ERO1A: variants seen among roughly 807,000 people sequenced by gnomAD.
ERO1A encodes ERO1-like protein alpha.
In ERO1A, 49 loss-of-function variants were observed where a neutral mutation model predicts 76.9. The observed-to-expected ratio is 0.64, with a 90% CI of 0.51 to 0.81. The LOEUF is 0.81. ERO1A is among the 30% of genes least tolerant of loss of function. ERO1A has a pLI of 0.00. For synonymous variants in ERO1A, 174 were observed against 181.2 expected (o/e 0.96, Z 0.32); for missense variants, 448 against 542.1 (o/e 0.83, Z 1.72).
At chr14:52,685,673 T>C (rs2041153270) in intron 1 of ERO1A, among the ~76,000 whole-genome samples, 2 of 152,176 alleles carry the variant, frequency 1.3e-5, no homozygotes, top group African/African-American at 4.8e-5. Flanking sequence ...TTCTTCCCCC[T>C]GAGGAATTCA....
At chr14:52,681,052 G>T (rs528920992) in intron 3 of ERO1A, among the ~76,000 whole-genome samples, 1 of 152,080 alleles carries the variant, frequency 6.6e-6, no homozygotes, top group African/African-American at 2.4e-5. Flanking sequence ...AATGTAAAAC[G>T]GTACAGCCAC....
In ERO1A at chr14:52,671,868, A is replaced by T; in HGVS notation, c.361T>A (p.Ser121Thr). The T allele has an allele frequency of 6.3e-7, 1 of 1,586,632 alleles. No individual in the cohort carries two copies. The highest frequency in any genetic ancestry group is 8.6e-7 in the Non-Finnish European group (1 of 1,163,832). ...DGIKSASYKYSEEANNLIEEC... is the reference protein window; with the variant it reads ...DGIKSASYKYTEEANNLIEEC... ...TCAATGAGATTATTGGCTTCTTCAGAATACTAAAATGAAAAAGGGAATAAA... is the reference window on the plus strand; with the variant it reads ...TCAATGAGATTATTGGCTTCTTCAGTATACTAAAATGAAAAAGGGAATAAA... The change falls in exon 5 of 16, where the codon TCT becomes ACT. Residue 121 changes from serine (S) to threonine (T), a missense_variant. Physicochemically the swap from Ser to Thr is moderately conservative, Grantham distance 58 (BLOSUM62 1). Around this residue, in one of 2 missense-constraint regions of ERO1A, gnomAD observed 302 missense variants for 411.9 expected, o/e 0.73. Transcript: ENST00000395686.
rs1442658022 is a variant in ERO1A, at chr14:52,666,443, G to C, written c.561C>G (p.Arg187=). The change falls in exon 7 of 16, where the codon CGC becomes CGG. Residue 187 remains arginine, a synonymous_variant. Transcript: ENST00000395686. ...EYVDLLLNPE[R]YTGYKGPDAW... ...CATCTGGTCCCTTGTAACCAGTGTA[G>C]CGCTCAGGATTAAGAAGCAAATCTA... is the stretch of plus-strand genomic sequence containing the variant. 2.5e-6 allele frequency: 4 copies of C among 1,610,964 alleles called. No homozygotes were observed. The African/African-American group carries it at 5.4e-5, about 22-fold the overall frequency.
Position 52,684,571 on chromosome 14 carries a change from A to G in ERO1A, c.115-664T>C, listed in dbSNP as rs1364273468. The stretch of plus-strand genomic sequence containing the variant: ...CTTAGCTTTCAGTAAGGATCTAACA[A>G]TCCTCAAATATTGGGCTGTAACAAT... On this transcript the variant is annotated intron_variant, in intron 1 of 15. Coordinates refer to ENST00000395686, the MANE Select transcript of ERO1A (RefSeq NM_014584.3). Among the ~76,000 whole-genome samples the G allele has an allele frequency of 2.6e-5, 4 of 152,188 alleles. No individual in the cohort carries two copies. In the East Asian group the frequency reaches 7.7e-4, roughly 29 times the overall value.
intron 6 of ERO1A, among the ~76,000 whole-genome samples, chr14:52,668,660 CTAGAGA>C (rs2040495045): frequency 6.7e-6 from 1 of 150,372 alleles, no homozygotes; most frequent in South Asian, 2.1e-4. Flanking sequence ...AATATTCTAC[CTAGAGA>C]TAAACATTTG....
chr14:52,651,363 C>T (rs143739681), intron 13 of ERO1A, among the ~76,000 whole-genome samples: 3 of 148,422 alleles, frequency 2.0e-5, no homozygotes, highest in Non-Finnish European at 3.0e-5. Flanking sequence ...TTTAATTAAA[C>T]AATATCATCT....
intron 11 of ERO1A, among the ~76,000 whole-genome samples, chr14:52,657,023 G>A (rs1488683232): frequency 6.6e-6 from 1 of 152,188 alleles, no homozygotes; most frequent in East Asian, 1.9e-4. Flanking sequence ...AGCTAAAACA[G>A]GGAGGGGGCT....
At chr14:52,667,611 A>C (rs2040455428) in intron 6 of ERO1A, among the ~76,000 whole-genome samples, 1 of 152,038 alleles carries the variant, frequency 6.6e-6, no homozygotes, top group African/African-American at 2.4e-5. Flanking sequence ...GGTCCCAGCT[A>C]CCCAGGAGGC....
intron 6 of ERO1A, among the ~76,000 whole-genome samples, chr14:52,670,053 T>C (rs2040544853): frequency 6.6e-6 from 1 of 152,182 alleles, no homozygotes; most frequent in African/African-American, 2.4e-5. Context: ...TAGCTGGGAC[T>C]ACTGGCACAC....
intron 1 of ERO1A, among the ~76,000 whole-genome samples, chr14:52,686,173 C>T (rs2041170252): frequency 6.6e-6 from 1 of 152,194 alleles, no homozygotes; most frequent in Non-Finnish European, 1.5e-5. Context: ...GATCACACCA[C>T]TGCACTGCAC....
intron 1 of ERO1A, among the ~76,000 whole-genome samples, chr14:52,693,730 T>G (rs1299475977): frequency 6.6e-6 from 1 of 152,020 alleles, no homozygotes; most frequent in African/African-American, 2.4e-5. Context: ...ACTCCTGGAC[T>G]CAAGAGATCC....
intron 1 of ERO1A, among the ~76,000 whole-genome samples, chr14:52,691,612 C>A (rs1012632297): frequency 3.9e-5 from 6 of 152,328 alleles, no homozygotes; most frequent in Non-Finnish European, 8.8e-5. Context: ...ACTGACCTAA[C>A]AAGACACTTG....
At chr14:52,685,919 G>C (rs2041162267) in intron 1 of ERO1A, among the ~76,000 whole-genome samples, 1 of 152,172 alleles carries the variant, frequency 6.6e-6, no homozygotes, top group Non-Finnish European at 1.5e-5. Flanking sequence ...CTTCCAGAAA[G>C]CACACAGTAG....
At chr14:52,665,903 G>T (rs1197730132) in intron 7 of ERO1A, among the ~76,000 whole-genome samples, 1 of 152,164 alleles carries the variant, frequency 6.6e-6, no homozygotes, top group East Asian at 1.9e-4. Flanking sequence ...TTACCACAAT[G>T]CCTAGAATAC....
rs1478191534 is a variant in ERO1A at position 52,695,395 on chromosome 14, C to T, written c.87G>A (p.Glu29=). 3 of 1,532,984 alleles carry T rather than the reference C, an allele frequency of 2.0e-6. No individual in the cohort carries two copies. The highest frequency in any genetic ancestry group is 2.6e-6 in the Non-Finnish European group (3 of 1,138,268). The allele number at this position is 1,532,984 out of a possible 1,614,324, so 95.0% of individuals were successfully genotyped here. ...GGCAGAAGCACCTCTGTGCCGCTGT[C>T]TCCGGGGGCTGCTCCTCTCCGTGGC... The part of the protein sequence containing the change: ...SSGHGEEQPP[E]TAAQRCFCQV... The change falls in exon 1 of 16, where the codon GAG becomes GAA. Residue 29 remains glutamate (E), a synonymous_variant. Transcript: ENST00000395686.
chr14:52,685,435 C>T lies in ERO1A; in HGVS notation c.115-1528G>A, dbSNP rs140805509. ...GTCCTAATTTTGGATACCAACAACACAAAGTACTTCTAACCTAAATGATAT... is the reference window on the plus strand; with the variant it reads ...GTCCTAATTTTGGATACCAACAACATAAAGTACTTCTAACCTAAATGATAT... On this transcript the variant is annotated intron_variant, in intron 1 of 15. Coordinates refer to ENST00000395686, the MANE Select transcript of ERO1A (RefSeq NM_014584.3). 1.1e-3 allele frequency among the ~76,000 whole-genome samples: 171 copies of T among 152,288 alleles called. 1 individual carries two copies. The highest frequency in any genetic ancestry group is 4.1e-3 in the African/African-American group (169 of 41,546).
At chr14:52,684,941 C>T (rs538737556) in intron 1 of ERO1A, among the ~76,000 whole-genome samples, 98 of 152,000 alleles carry the variant, frequency 6.4e-4, no homozygotes, top group African/African-American at 2.3e-3. Flanking sequence ...CAAAAACAAA[C>T]TTAGGAAAAA....
chr14:52,689,838 C>T (rs958435332), intron 1 of ERO1A, among the ~76,000 whole-genome samples: 2 of 152,126 alleles, frequency 1.3e-5, no homozygotes, highest in Admixed American at 1.3e-4. Flanking sequence ...AGCAATTTTG[C>T]AAGAACAAAC....
At chr14:52,655,228 G>T (rs983207421) in intron 11 of ERO1A, among the ~76,000 whole-genome samples, 2 of 152,130 alleles carry the variant, frequency 1.3e-5, no homozygotes, top group African/African-American at 2.4e-5. Context: ...AGCCGGGCGT[G>T]GTGGCACATG....
Sources: gnomAD v4.1 joint callset for allele counts (sites outside exome capture counted in the v4.1 genomes callset) on GRCh38, gnomAD v4.1.1 for gene constraint, gnomAD v4.1.1 regional missense constraint, MANE v1.5 for transcripts, NCBI Gene and HGNC (gene_info 2026-07-23, HGNC 2026-07-21) for gene names.